IPO7: variants seen among roughly 807,000 people sequenced by gnomAD.
IPO7 encodes the protein importin 7.
Under a neutral mutation model 136.4 loss-of-function variants are expected in IPO7, and 13 were observed. The ratio of observed to expected loss-of-function variants is 0.10; its 90% CI spans 0.06 to 0.15. The LOEUF (loss-of-function observed/expected upper bound fraction) is 0.15. Among genes scored for constraint, IPO7 ranks in the 10% least tolerant of loss-of-function variants. The pLI, the probability that IPO7 is intolerant of heterozygous loss-of-function variation, is 1.00. For synonymous variants in IPO7, 403 were observed against 404.4 expected, an observed-to-expected ratio of 1.00 and a Z score of 0.04; for missense variants, 857 against 1,240.6, an observed-to-expected ratio of 0.69 and a Z score of 4.65.
At chr11:9,439,378 A>G (rs1042113979) in intron 22 of IPO7, among the ~76,000 whole-genome samples, 4 of 152,028 alleles carry the variant, frequency 2.6e-5, no homozygotes, top group Non-Finnish European at 5.9e-5. Context: ...GGCCTCCCAA[A>G]GTGCTGGGAT....
chr11:9,414,518 C>A, intron 5 of IPO7, 107 bp downstream of exon 5: 1 of 613,226 alleles, frequency 1.6e-6, no homozygotes, highest in Non-Finnish European at 2.5e-6. Context: ...ACTTGAAAAT[C>A]TACATTAAGT....
intron 1 of IPO7, among the ~76,000 whole-genome samples, chr11:9,399,200 G>C (rs950827033): frequency 7.0e-6 from 1 of 143,644 alleles, no homozygotes; most frequent in Non-Finnish European, 1.5e-5. Context: ...TTTCACTCTT[G>C]TTGCCCAGGC....
chr11:9,426,202 G>A, intron 12 of IPO7, among the ~76,000 whole-genome samples: 1 of 151,960 alleles, frequency 6.6e-6, no homozygotes, highest in Non-Finnish European at 1.5e-5. Context: ...CCCAACCCTA[G>A]GCTACCTATA....
Position 9,425,228 on chromosome 11 carries a change from A to G in IPO7, c.1301A>G (p.His434Arg), listed in dbSNP as rs1855186832. Residue 434 changes from histidine to arginine, a missense_variant, in exon 12 of 25, where the codon CAT (histidine) becomes CGT (arginine). Physicochemically the swap from His to Arg is conservative, Grantham distance 29. This residue lies in a region of IPO7 where 127 missense variants were observed against 222.4 expected (regional missense o/e 0.57). Coordinates refer to ENST00000379719, the MANE Select transcript of IPO7 (RefSeq NM_006391.3). ...ADPRKKDGAL[H>R]MIGSLAEILL... ...CCTCGAAAAAAAGATGGAGCCCTGC[A>G]TATGATTGGCTCTTTAGCTGAAATA... is the stretch of plus-strand genomic sequence containing the variant. The G allele has an allele frequency of 6.2e-7, 1 of 1,608,540 alleles. No homozygotes were observed.
chr11:9,411,978 T>C (rs1352573292), intron 4 of IPO7, among the ~76,000 whole-genome samples: 2 of 152,214 alleles, frequency 1.3e-5, no homozygotes, highest in African/African-American at 2.4e-5. Context: ...CTGCATAATA[T>C]TAGTTCTCAC....
chr11:9,425,143 T>C lies in IPO7; in HGVS notation c.1219-3T>C, dbSNP rs1186825266. 2 of 1,575,452 alleles carry C rather than the reference T, an allele frequency of 1.3e-6. No homozygotes were observed. The highest frequency in any genetic ancestry group is 3.3e-5 in the Admixed American group (2 of 59,936). On this transcript the variant is annotated splice_polypyrimidine_tract_variant and splice_region_variant and intron_variant, in intron 11 of 24. Transcript: ENST00000379719. ...GTAACAATACTTTTCTCTTTTAATC[T>C]AGGTACTGCAAAAGACTATGGGATT... is the stretch of plus-strand genomic sequence containing the variant.
chr11:9,403,540 A>G (rs1854831418), intron 2 of IPO7, 169 bp downstream of exon 2: 11 of 547,280 alleles, frequency 2.0e-5, no homozygotes, highest in Non-Finnish European at 3.2e-5. Flanking sequence ...CTGGTGGCAG[A>G]GTTTAAAGGA....
intron 2 of IPO7, among the ~76,000 whole-genome samples, chr11:9,405,101 A>G (rs571795138): frequency 1.6e-4 from 24 of 151,798 alleles, no homozygotes; most frequent in Middle Eastern, 6.8e-3. Context: ...GCAGATAGGA[A>G]TTATTATTAT....
chr11:9,384,725 T>TA lies in IPO7; in HGVS notation c.-38dup. ...GTGAGTGGCGCTATTCCTGGCCCAG[T>TA]AGCACCCGAGCCCCGGGTTTGACCG... On this transcript the variant is annotated 5_prime_UTR_variant, in exon 1 of 25. An upstream open reading frame in the 5' UTR loses its in-frame stop. Transcript: ENST00000379719. 1 of 1,524,946 alleles carries TA rather than the reference T, an allele frequency of 6.6e-7. No homozygotes were observed. The highest frequency in any genetic ancestry group is 8.9e-7 in the Non-Finnish European group (1 of 1,121,496). The allele number at this position is 1,524,946 out of a possible 1,614,324, so 94.5% of individuals were successfully genotyped here. A position where few individuals can be genotyped will look rare whatever the true frequency, so the allele number is the denominator to read the frequency against.
At chr11:9,404,600 C>G (rs537451684) in intron 2 of IPO7, among the ~76,000 whole-genome samples, 9 of 124,676 alleles carry the variant, frequency 7.2e-5, no homozygotes, top group African/African-American at 1.3e-4. Context: ...GAGTCTCGCT[C>G]TGTTGCCCAG....
intron 3 of IPO7, among the ~76,000 whole-genome samples, chr11:9,409,408 C>T (rs1036891507): frequency 6.6e-6 from 1 of 152,116 alleles, no homozygotes; most frequent in Non-Finnish European, 1.5e-5. Flanking sequence ...CATGCCTGGC[C>T]TGTAATTTGT....
intron 6 of IPO7, among the ~76,000 whole-genome samples, chr11:9,418,730 A>G (rs1855078919): frequency 2.0e-5 from 3 of 152,186 alleles, no homozygotes; most frequent in African/African-American, 7.2e-5. Flanking sequence ...CCGATTATAA[A>G]TAAACAGTTC....
Position 9,429,105 on chromosome 11 carries a change from A to G in IPO7, c.1500A>G (p.Leu500=), listed in dbSNP as rs993722103. ...SDQNLQTALE[L]TRRCLIDDRE... ...AGAACCTTCAAACAGCCTTAGAGCTAACAAGAAGATGTCTGATTGATGATA... is the reference window on the plus strand; with the variant it reads ...AGAACCTTCAAACAGCCTTAGAGCTGACAAGAAGATGTCTGATTGATGATA... Residue 500 remains leucine, a synonymous_variant, in exon 14 of 25, where the codon CTA becomes CTG. Transcript: ENST00000379719. 6.2e-7 allele frequency: 1 copy of G among 1,613,946 alleles called. No homozygotes were observed. Among genetic ancestry groups the G allele is most frequent in the Non-Finnish European group, 8.5e-7 (1 of 1,179,768 alleles).
chr11:9,432,697 T>A (rs901209663), intron 16 of IPO7, among the ~76,000 whole-genome samples: 3 of 152,170 alleles, frequency 2.0e-5, no homozygotes, highest in African/African-American at 7.2e-5. Context: ...CTTCCTCCCC[T>A]TAACATTCTT....
At chr11:9,444,487 C>T (rs868455130) in intron 24 of IPO7, among the ~76,000 whole-genome samples, 1 of 151,650 alleles carries the variant, frequency 6.6e-6, no homozygotes, top group Admixed American at 6.6e-5. Context: ...CCTCAGCTTC[C>T]GAGTAGCTGA....
At chr11:9,402,494 C>A (rs190763718) in intron 1 of IPO7, among the ~76,000 whole-genome samples, 19 of 146,710 alleles carry the variant, frequency 1.3e-4, no homozygotes, top group Admixed American at 4.8e-4. Context: ...GAGGTCGAGG[C>A]GGGTGGATCA....
chr11:9,413,330 T>A (rs1013867123), intron 4 of IPO7, among the ~76,000 whole-genome samples: 1 of 152,114 alleles, frequency 6.6e-6, no homozygotes, highest in African/African-American at 2.4e-5. Context: ...GAACTTACGG[T>A]TTATGATGCT....
At chr11:9,437,219 A>G (rs1855388619) in intron 20 of IPO7, among the ~76,000 whole-genome samples, 1 of 151,426 alleles carries the variant, frequency 6.6e-6, no homozygotes, top group Admixed American at 6.6e-5. Context: ...TTGTGAAGCC[A>G]TGATTGATAT....
In IPO7 at chr11:9,420,540, T is replaced by G. The variant is rs1430516179; in HGVS notation, c.821+35T>G. On this transcript the variant is annotated intron_variant, in intron 7 of 24. Transcript: ENST00000379719. Reference sequence around the variant, plus strand: ...TCCATATATGGTGATTTAAATTAATTTATTAAGGTTTTGCTTTAAAGTGCT... The same window carrying G: ...TCCATATATGGTGATTTAAATTAATGTATTAAGGTTTTGCTTTAAAGTGCT... 3 of 1,572,664 alleles carry G rather than the reference T, an allele frequency of 1.9e-6. No individual in the cohort carries two copies. In the South Asian group the frequency reaches 3.3e-5, roughly 18 times the overall value.
Sources: allele counts gnomAD v4.1 joint callset (sites outside exome capture counted in the v4.1 genomes callset), GRCh38; gene constraint gnomAD v4.1.1; regional missense constraint gnomAD v4.1.1; transcripts MANE v1.5; gene names NCBI Gene and HGNC (gene_info 2026-07-23, HGNC 2026-07-21).